The following HS6ST3 variants were observed in gnomAD, a reference collection of about 807,000 sequenced individuals.
HS6ST3 encodes the protein heparan-sulfate 6-O-sulfotransferase 3.
A neutral mutation model predicts 36.7 loss-of-function variants in HS6ST3; 12 were observed. The ratio of observed to expected loss-of-function variants is 0.33; its 90% CI spans 0.21 to 0.53. The LOEUF (loss-of-function observed/expected upper bound fraction) is 0.53. Among genes scored for constraint, HS6ST3 ranks in the 20% least tolerant of loss-of-function variants. HS6ST3 has a pLI of 0.95. For missense variants in HS6ST3, 584 were observed against 640.9 expected (o/e 0.91, Z 0.96); for synonymous variants, 240 against 257.5 (o/e 0.93, Z 0.65).
In HS6ST3 at chr13:96,246,065, A is replaced by G. The variant is rs9562058; in HGVS notation, c.707+154496A>G. On this transcript the variant is annotated intron_variant, in intron 1 of 1. Coordinates refer to ENST00000376705, the MANE Select transcript of HS6ST3 (RefSeq NM_153456.4). ...GAAAGCTAGCTAAAATATTAATGAA[A>G]TATATTCTTTATTAGATTAAATAAT... is the stretch of plus-strand genomic sequence containing the variant. Among the ~76,000 whole-genome samples, 28 of 152,320 alleles carry G rather than the reference A, an allele frequency of 1.8e-4. 1 individual carries two copies. In the East Asian group the frequency reaches 5.2e-3, roughly 28 times the overall value.
intron 1 of HS6ST3, among the ~76,000 whole-genome samples, chr13:96,276,947 A>T (rs2054751558): frequency 6.6e-6 from 1 of 152,144 alleles, no homozygotes; most frequent in Non-Finnish European, 1.5e-5. Flanking sequence ...TGGAGGCTAG[A>T]ACTCCCTTCA....
At chr13:96,533,664 T>C (rs2056144402) in intron 1 of HS6ST3, among the ~76,000 whole-genome samples, 1 of 152,182 alleles carries the variant, frequency 6.6e-6, no homozygotes, top group African/African-American at 2.4e-5. Flanking sequence ...CTATAGATCC[T>C]TGATAAATGA....
chr13:96,688,305 A>G (rs1874845941), intron 1 of HS6ST3, among the ~76,000 whole-genome samples: 1 of 151,926 alleles, frequency 6.6e-6, no homozygotes, highest in East Asian at 1.9e-4. Flanking sequence ...CTCTGGTGGT[A>G]CTAAGCTAGG....
intron 1 of HS6ST3, among the ~76,000 whole-genome samples, chr13:96,244,790 C>T (rs1172247166): frequency 1.3e-5 from 2 of 152,092 alleles, no homozygotes; most frequent in African/African-American, 4.8e-5. Flanking sequence ...TATGGGTGGC[C>T]TATAACAGAA....
chr13:96,298,343 T>C (rs1427427356), intron 1 of HS6ST3, among the ~76,000 whole-genome samples: 1 of 152,162 alleles, frequency 6.6e-6, no homozygotes, highest in East Asian at 1.9e-4. Context: ...ACATAGCATG[T>C]GATGGGAGGA....
chr13:96,276,863 C>T (rs1478538729), intron 1 of HS6ST3, among the ~76,000 whole-genome samples: 3 of 152,246 alleles, frequency 2.0e-5, no homozygotes, highest in Admixed American at 2.0e-4. Context: ...TTGAAAAGCA[C>T]CATGTATTAG....
intron 1 of HS6ST3, among the ~76,000 whole-genome samples, chr13:96,330,411 G>A (rs1228037568): frequency 1.4e-5 from 2 of 146,738 alleles, no homozygotes; most frequent in East Asian, 4.2e-4. Flanking sequence ...TTGCTTGTCT[G>A]TAAAGTATTT....
At chr13:96,213,177 A>G (rs2054407125) in intron 1 of HS6ST3, among the ~76,000 whole-genome samples, 1 of 152,212 alleles carries the variant, frequency 6.6e-6, no homozygotes, top group Non-Finnish European at 1.5e-5. Flanking sequence ...GGGGTTTTAT[A>G]AGATGGCCCC....
intron 1 of HS6ST3, among the ~76,000 whole-genome samples, chr13:96,309,799 A>G (rs546591737): frequency 1.4e-3 from 212 of 152,264 alleles, no homozygotes; most frequent in African/African-American, 4.9e-3. Context: ...ACTGTATTCA[A>G]TTTTTTTAAA....
intron 1 of HS6ST3, among the ~76,000 whole-genome samples, chr13:96,481,201 G>A (rs1166919406): frequency 6.6e-6 from 1 of 152,184 alleles, no homozygotes; most frequent in African/African-American, 2.4e-5. Context: ...AAGATGAACT[G>A]TCTAAAATCA....
chr13:96,668,673 CAGT>C (rs1430098833), intron 1 of HS6ST3, among the ~76,000 whole-genome samples: 1 of 118,476 alleles, frequency 8.4e-6, no homozygotes, highest in Non-Finnish European at 1.6e-5. Flanking sequence ...GAGCTGAGCA[CAGT>C]AGTGCCAACC....
chr13:96,330,777 T>C (rs2055061888), intron 1 of HS6ST3, among the ~76,000 whole-genome samples: 1 of 150,952 alleles, frequency 6.6e-6, no homozygotes, highest in African/African-American at 2.4e-5. Context: ...CTGCAGAGTG[T>C]TTTCCAACTT....
chr13:96,413,835 G>T (rs921016413), intron 1 of HS6ST3, among the ~76,000 whole-genome samples: 4 of 152,174 alleles, frequency 2.6e-5, no homozygotes, highest in African/African-American at 9.7e-5. Context: ...TTTGATTGCT[G>T]CTGCTATTTA....
At chr13:96,480,000 A>G (rs756513356) in intron 1 of HS6ST3, among the ~76,000 whole-genome samples, 3 of 152,148 alleles carry the variant, frequency 2.0e-5, no homozygotes, top group Admixed American at 1.3e-4. Context: ...ACTCAGTGAC[A>G]GGATTGCTAA....
intron 1 of HS6ST3, among the ~76,000 whole-genome samples, chr13:96,185,041 A>G (rs926032821): frequency 2.0e-5 from 3 of 152,218 alleles, no homozygotes; most frequent in African/African-American, 7.2e-5. Flanking sequence ...AGAATTCATC[A>G]TGACATTGTA....
intron 1 of HS6ST3, among the ~76,000 whole-genome samples, chr13:96,763,909 C>A (rs1877031860): frequency 6.6e-6 from 1 of 152,150 alleles, no homozygotes; most frequent in African/African-American, 2.4e-5. Flanking sequence ...AGCATAATTA[C>A]TCTTGGGTAA....
At chr13:96,287,566 T>C (rs1345765288) in intron 1 of HS6ST3, among the ~76,000 whole-genome samples, 1 of 152,136 alleles carries the variant, frequency 6.6e-6, no homozygotes, top group Admixed American at 6.5e-5. Flanking sequence ...AATTTTTCTT[T>C]TCATGGAATT....
At chr13:96,152,536 A>G (rs969591865) in intron 1 of HS6ST3, among the ~76,000 whole-genome samples, 1 of 151,678 alleles carries the variant, frequency 6.6e-6, no homozygotes, top group Non-Finnish European at 1.5e-5. Context: ...TCGGGGTTTC[A>G]CCGTGTTAGC....
intron 1 of HS6ST3, among the ~76,000 whole-genome samples, chr13:96,578,032 A>G (rs967361887): frequency 4.6e-5 from 7 of 152,242 alleles, no homozygotes; most frequent in Non-Finnish European, 1.0e-4. Flanking sequence ...AAAGAAATTC[A>G]GTGCCCAAGA....
Sources: allele counts gnomAD v4.1 joint callset (sites outside exome capture counted in the v4.1 genomes callset), GRCh38; gene constraint gnomAD v4.1.1; transcripts MANE v1.5; gene names NCBI Gene and HGNC (gene_info 2026-07-23, HGNC 2026-07-21).